Variants in COLEC11 observed in about 807,000 individuals in gnomAD.
COLEC11 encodes the protein collectin-11.
Under a neutral mutation model 27.3 loss-of-function variants are expected in COLEC11, and 20 were observed. The ratio of observed to expected loss-of-function variants is 0.73; its 90% confidence interval spans 0.51 to 1.06. The LOEUF (loss-of-function observed/expected upper bound fraction) is 1.06, where lower values mean the gene tolerates loss of function less well. Among genes scored for constraint, COLEC11 ranks in the 50% least tolerant of loss-of-function variants. The probability of loss-of-function intolerance (pLI) is 0.00; values close to 1 mark genes in which losing one functional copy is unlikely to be tolerated. For synonymous variants in COLEC11, 163 were observed against 154.7 expected, an observed-to-expected ratio of 1.05 and a Z score of -0.40; for missense variants, 310 against 383.0, an observed-to-expected ratio of 0.81 and a Z score of 1.59.
At chr2:3,616,226 C>T (rs1313504064) in intron 3 of COLEC11, among the ~76,000 whole-genome samples, 2 of 151,188 alleles carry the variant, frequency 1.3e-5, no homozygotes, top group African/African-American at 2.5e-5. Context: ...ACGCTCCTCA[C>T]TTCCCAGACA....
chr2:3,625,912 C>T (rs554998405), intron 3 of COLEC11: 89 of 1,088,306 alleles, frequency 8.2e-5, no homozygotes, highest in Non-Finnish European at 1.2e-4. Context: ...GGATTATAGG[C>T]ATGAGCCGCC....
At chr2:3,621,855 A>G (rs1258666147) in intron 3 of COLEC11, among the ~76,000 whole-genome samples, 2 of 152,128 alleles carry the variant, frequency 1.3e-5, no homozygotes, top group African/African-American at 4.8e-5. Flanking sequence ...TTGATATCAC[A>G]ATTTACATCT....
chr2:3,614,711 G>A (rs980232118), intron 3 of COLEC11, among the ~76,000 whole-genome samples: 50 of 152,226 alleles, frequency 3.3e-4, no homozygotes, highest in African/African-American at 1.1e-3. Flanking sequence ...AGTTGTAGAA[G>A]AAAATTTCTT....
chr2:3,641,555 C>A, intron 5 of COLEC11: 1 of 568,112 alleles, frequency 1.8e-6, no homozygotes, highest in Non-Finnish European at 2.6e-6. Context: ...CTTCCCCTGA[C>A]AGGGATCTCT....
chr2:3,639,455 G>A (rs1042909889), intron 4 of COLEC11, among the ~76,000 whole-genome samples: 10 of 152,192 alleles, frequency 6.6e-5, no homozygotes, highest in African/African-American at 2.2e-4. Context: ...TCCCGATGCT[G>A]ATAAAGGAAC....
At chr2:3,627,727 CATG>C (rs1005261122) in intron 3 of COLEC11, among the ~76,000 whole-genome samples, 15 of 151,102 alleles carry the variant, frequency 9.9e-5, no homozygotes, top group African/African-American at 2.4e-4. Flanking sequence ...CGATGCTGGG[CATG>C]ATGATGGTAG....
intron 1 of COLEC11, among the ~76,000 whole-genome samples, chr2:3,600,855 T>C (rs1662165836): frequency 6.6e-6 from 1 of 152,248 alleles, no homozygotes; most frequent in African/African-American, 2.4e-5. Flanking sequence ...TGGAAGTTCA[T>C]GGTACTGCTT....
At chr2:3,608,951 G>A (rs547948287) in intron 2 of COLEC11, among the ~76,000 whole-genome samples, 9 of 152,360 alleles carry the variant, frequency 5.9e-5, no homozygotes, top group Admixed American at 2.6e-4. Context: ...AGCTGAGGAG[G>A]ACCAGGCTGG....
chr2:3,603,573 T>C, intron 1 of COLEC11: 1 of 1,463,614 alleles, frequency 6.8e-7, no homozygotes, highest in Non-Finnish European at 9.4e-7. Flanking sequence ...CACCTCAGCC[T>C]CCCAAAGTGC....
At position 3,604,454 on chromosome 2, in the gene COLEC11, C is replaced by T. The variant is rs139738651; in HGVS notation, c.114C>T (p.Leu38=). ...AGDDACSVQI[L]VPGLKGDAGE... ...ATGACGCCTGCTCTGTGCAGATCCT[C>T]GTCCCTGGCCTCAAAGGTAACCGCT... Residue 38 remains leucine (L), a synonymous_variant, in exon 2 of 7, where the codon CTC becomes CTT. Transcript: ENST00000349077. 33 of 1,614,128 alleles carry T rather than the reference C, an allele frequency of 2.0e-5. No individual in the cohort carries two copies. In the African/African-American group the frequency reaches 3.6e-4, roughly 18 times the overall value.
chr2:3,611,315 G>A (rs565473544), intron 2 of COLEC11, among the ~76,000 whole-genome samples: 9 of 152,340 alleles, frequency 5.9e-5, no homozygotes, highest in African/African-American at 1.2e-4. Context: ...GCCTTTCTGC[G>A]GAGTGGCTCC....
chr2:3,598,554 G>A (rs1267880181), intron 1 of COLEC11, among the ~76,000 whole-genome samples: 2 of 152,252 alleles, frequency 1.3e-5, no homozygotes, highest in African/African-American at 4.8e-5. Flanking sequence ...AAGCCTGGCA[G>A]CGAACAAGGA....
chr2:3,620,910 C>T (rs942524713), intron 3 of COLEC11, among the ~76,000 whole-genome samples: 14 of 152,206 alleles, frequency 9.2e-5, no homozygotes, highest in Non-Finnish European at 1.6e-4. Context: ...GATATGATTT[C>T]AGTCTCCTTG....
Position 3,626,236 on chromosome 2 carries a change from G to A in COLEC11, c.203-11297G>A, listed in dbSNP as rs565678542. ...CTAGATGGACGTGGTTTGCTGGGAGGGAGGAATATTGTTAGGCACAATGCG... is the reference window on the plus strand; with the variant it reads ...CTAGATGGACGTGGTTTGCTGGGAGAGAGGAATATTGTTAGGCACAATGCG... On this transcript the variant is annotated intron_variant, in intron 3 of 6. Transcript: ENST00000349077. 209 of 805,158 alleles carry A rather than the reference G, an allele frequency of 2.6e-4. 3 individuals are homozygous for A. The South Asian group carries it at 2.8e-3, about 11-fold the overall frequency. 49.9% of individuals were successfully genotyped at this position (805,158 alleles called of 1,614,324 possible).
At chr2:3,599,603 G>GCCTC (rs1374835581) in intron 1 of COLEC11, among the ~76,000 whole-genome samples, 2 of 152,238 alleles carry the variant, frequency 1.3e-5, no homozygotes, top group Non-Finnish European at 2.9e-5. Flanking sequence ...TAAGAGAAGG[G>GCCTC]GAGGGGCTTG....
chr2:3,617,693 G>T (rs1175701685), intron 3 of COLEC11: 3 of 1,607,784 alleles, frequency 1.9e-6, no homozygotes, highest in Non-Finnish European at 2.6e-6. Context: ...GGTTGTGGAG[G>T]AAAAGCGGAG....
At chr2:3,616,352 G>T (rs1238788553) in intron 3 of COLEC11, among the ~76,000 whole-genome samples, 1 of 151,466 alleles carries the variant, frequency 6.6e-6, no homozygotes, top group African/African-American at 2.4e-5. Context: ...CTTCCCAGAC[G>T]GGGTGGCGGC....
rs895809395 is a variant in COLEC11 at position 3,644,391 on chromosome 2, C to T, written c.*273C>T. 3.1e-6 allele frequency: 2 copies of T among 637,408 alleles called. No homozygotes were observed. The highest frequency in any genetic ancestry group is 3.6e-5 in the African/African-American group (2 of 55,952). The allele number at this position is 637,408 out of a possible 1,614,324, so 39.5% of individuals were successfully genotyped here. On this transcript the variant is annotated 3_prime_UTR_variant, in exon 7 of 7. Coordinates refer to ENST00000349077, the MANE Select transcript of COLEC11 (RefSeq NM_024027.5). ...TAATTATTACCCAGAATTGCTCTTC[C>T]ATAAAGCTTGTGCCTTTGTCCAAGC...
At chr2:3,641,013 TGGACACCCACCCACCATGTAGACCCCAC>T (rs1665819944) in intron 5 of COLEC11, among the ~76,000 whole-genome samples, 1 of 76,590 alleles carries the variant, frequency 1.3e-5, no homozygotes, top group Non-Finnish European at 2.4e-5. Context: ...GACCCCACGG[TGGACACCCACCCACCATGTAGACCCCAC>T]GGTGGACACC....
Sources: allele counts gnomAD v4.1 joint callset (sites outside exome capture counted in the v4.1 genomes callset), GRCh38; gene constraint gnomAD v4.1.1; transcripts MANE v1.5; gene names NCBI Gene and HGNC (gene_info 2026-07-23, HGNC 2026-07-21).